DAPK1: variants seen among roughly 807,000 people sequenced by gnomAD.
DAPK1 encodes the protein death associated protein kinase 1.
A neutral mutation model predicts 144.9 loss-of-function variants in DAPK1; 56 were observed. The ratio of observed to expected loss-of-function variants is 0.39; its 90% CI spans 0.31 to 0.48. DAPK1 has a LOEUF of 0.48. Ranked by LOEUF, DAPK1 falls within the 20% of genes least tolerant of loss-of-function variation. The pLI is 0.95. For synonymous variants in DAPK1, 690 were observed against 749.0 expected (o/e 0.92, Z 1.29); for missense variants, 1,454 against 1,875.4 (o/e 0.78, Z 4.15).
At chr9:87,586,908 C>T (rs1435262390) in intron 2 of DAPK1, among the ~76,000 whole-genome samples, 1 of 152,188 alleles carries the variant, frequency 6.6e-6, no homozygotes, top group African/African-American at 2.4e-5. Context: ...ATAAATTAAA[C>T]ATTAACAAGA....
intron 3 of DAPK1, among the ~76,000 whole-genome samples, chr9:87,620,626 GGGA>G (rs111959323): frequency 1.3e-5 from 2 of 151,718 alleles, no homozygotes; most frequent in Admixed American, 6.6e-5. Context: ...GAATAGGACA[GGGA>G]GGAGGAGGAG....
chr9:87,505,849 G>C (rs545542382), intron 2 of DAPK1, among the ~76,000 whole-genome samples: 1 of 152,038 alleles, frequency 6.6e-6, no homozygotes, highest in Non-Finnish European at 1.5e-5. Flanking sequence ...CACCATACCT[G>C]GCTAATTTTT....
At chr9:87,616,463 T>TG (rs1213640701) in intron 3 of DAPK1, among the ~76,000 whole-genome samples, 3 of 152,140 alleles carry the variant, frequency 2.0e-5, no homozygotes, top group African/African-American at 7.2e-5. Context: ...AGGACAGTTT[T>TG]GGGGGGAAAC....
intron 2 of DAPK1, among the ~76,000 whole-genome samples, chr9:87,570,440 T>C (rs1827289214): frequency 6.6e-6 from 1 of 152,246 alleles, no homozygotes; most frequent in Admixed American, 6.5e-5. Context: ...TGCCTCTTTT[T>C]ATATCATCAA....
intron 3 of DAPK1, among the ~76,000 whole-genome samples, chr9:87,633,715 G>A (rs539040403): frequency 3.9e-5 from 6 of 152,240 alleles, no homozygotes; most frequent in African/African-American, 1.4e-4. Context: ...AGATGACCAG[G>A]CCAGAGAAGG....
intron 2 of DAPK1, among the ~76,000 whole-genome samples, chr9:87,516,123 T>C (rs1458810825): frequency 6.6e-6 from 1 of 152,040 alleles, no homozygotes; most frequent in African/African-American, 2.4e-5. Context: ...CAACTTGGAG[T>C]TCACTCTCTG....
chr9:87,667,567 C>T (rs1831100945), intron 18 of DAPK1, among the ~76,000 whole-genome samples: 1 of 152,148 alleles, frequency 6.6e-6, no homozygotes, highest in African/African-American at 2.4e-5. Context: ...CTGAATGGGA[C>T]CCCAGGCATG....
intron 2 of DAPK1, among the ~76,000 whole-genome samples, chr9:87,598,569 C>A (rs1828400747): frequency 6.6e-6 from 1 of 152,042 alleles, no homozygotes. Flanking sequence ...AAAGGTTAGA[C>A]CCTGGGCTTG....
chr9:87,623,243 C>T (rs1305341474), intron 3 of DAPK1, among the ~76,000 whole-genome samples: 2 of 152,182 alleles, frequency 1.3e-5, no homozygotes, highest in Admixed American at 1.3e-4. Context: ...CTGTTTCCTT[C>T]TTGGATGCTA....
chr9:87,621,152 T>G (rs1226659838), intron 3 of DAPK1, among the ~76,000 whole-genome samples: 1 of 152,202 alleles, frequency 6.6e-6, no homozygotes, highest in Non-Finnish European at 1.5e-5. Flanking sequence ...GAGCAAGGAT[T>G]CCCTCCCTTT....
At chr9:87,608,671 C>G (rs1376511503) in intron 3 of DAPK1, among the ~76,000 whole-genome samples, 1 of 152,224 alleles carries the variant, frequency 6.6e-6, no homozygotes, top group African/African-American at 2.4e-5. Context: ...CTAATAGTTG[C>G]ATCTTGGCAT....
rs36215719 is a variant in DAPK1, at chr9:87,664,347, A to G, written c.1924-4250A>G. Among the ~76,000 whole-genome samples the G allele has an allele frequency of 2.2e-3, 330 of 152,184 alleles. 3 individuals carry two copies. The highest frequency in any genetic ancestry group is 7.6e-3 in the African/African-American group (314 of 41,534). ...CATAGTGTGCCCACAGCATCAGCAC[A>G]CACAGGCACACATCTCTCTGCCCAC... On this transcript the variant is annotated intron_variant, in intron 18 of 25. Transcript: ENST00000408954.
At chr9:87,640,575 G>T in intron 8 of DAPK1, 125 bp downstream of exon 8, 1 of 1,196,234 alleles carries the variant, frequency 8.4e-7, no homozygotes, top group Non-Finnish European at 1.2e-6. Context: ...AGGGCAGCAT[G>T]CCATGTGAAA....
At chr9:87,585,110 A>G (rs1469280207) in intron 2 of DAPK1, among the ~76,000 whole-genome samples, 1 of 152,242 alleles carries the variant, frequency 6.6e-6, no homozygotes, top group African/African-American at 2.4e-5. Context: ...TATAGTTTCA[A>G]AACACTTTTT....
chr9:87,585,635 G>A (rs1196520900), intron 2 of DAPK1, among the ~76,000 whole-genome samples: 1 of 152,170 alleles, frequency 6.6e-6, no homozygotes, highest in East Asian at 1.9e-4. Context: ...CTTAGCTATG[G>A]TTCATCTGAG....
intron 3 of DAPK1, chr9:87,631,976 G>T (rs1338737429): frequency 3.0e-6 from 2 of 662,362 alleles, no homozygotes; most frequent in Admixed American, 6.3e-5. Context: ...GAGTATATAT[G>T]TAGAAATAAA....
At chr9:87,583,286 G>A (rs933967633) in intron 2 of DAPK1, among the ~76,000 whole-genome samples, 4 of 152,090 alleles carry the variant, frequency 2.6e-5, no homozygotes, top group African/African-American at 9.7e-5. Context: ...AACACTCGTT[G>A]AGTGGGTTAG....
At chr9:87,522,528 T>C (rs914980336) in intron 2 of DAPK1, among the ~76,000 whole-genome samples, 3 of 152,256 alleles carry the variant, frequency 2.0e-5, no homozygotes, top group Admixed American at 1.3e-4. Context: ...TATGATTTAC[T>C]GTCATTTATT....
intron 2 of DAPK1, among the ~76,000 whole-genome samples, chr9:87,517,188 C>G (rs1387800753): frequency 2.0e-5 from 3 of 151,986 alleles, no homozygotes; most frequent in Non-Finnish European, 4.4e-5. Flanking sequence ...GGAGAATAAC[C>G]AGGAAGGGGC....
Sources: gnomAD v4.1 joint callset for allele counts (sites outside exome capture counted in the v4.1 genomes callset) on GRCh38, gnomAD v4.1.1 for gene constraint, MANE v1.5 for transcripts, NCBI Gene and HGNC (gene_info 2026-07-23, HGNC 2026-07-21) for gene names.